The following ARMC3 variants were observed in gnomAD, a reference collection of about 807,000 sequenced individuals.
ARMC3 encodes the protein armadillo repeat containing 3, also known as armadillo repeat-containing protein 3.
A neutral mutation model predicts 90.3 loss-of-function variants in ARMC3; 74 were observed. That is an observed-to-expected ratio of 0.82 (90% CI 0.68 to 0.99). ARMC3 has a LOEUF of 0.99. ARMC3 is among the 50% of genes least tolerant of loss of function. The probability of loss-of-function intolerance (pLI) is 0.00; values close to 1 mark genes in which losing one functional copy is unlikely to be tolerated. For synonymous variants in ARMC3, 334 were observed against 361.8 expected (o/e 0.92, Z 0.87); for missense variants, 958 against 1,042.8 (o/e 0.92, Z 1.12).
At position 23,032,895 on chromosome 10, in the gene ARMC3, A is replaced by G. The variant is rs1460661878; in HGVS notation, c.2281A>G (p.Lys761Glu). The G allele has an allele frequency of 3.1e-6, 5 of 1,612,722 alleles. No individual in the cohort carries two copies. Among genetic ancestry groups the G allele is most frequent in the Non-Finnish European group, 3.4e-6 (4 of 1,179,376 alleles). ...AGAAAAAATGGGTGGTAAGATTCCA[A>G]AAGAGAAACTACCTGATTTCAGCTG... ...VAEKMGGKIPKEKLPDFSWEL... is the reference protein window; with the variant it reads ...VAEKMGGKIPEEKLPDFSWEL... Residue 761 changes from lysine (K) to glutamate (E), a missense_variant, in exon 18 of 19, where the codon AAA (lysine) becomes GAA (glutamate). Physicochemically the swap from Lys to Glu is moderately conservative, Grantham distance 56. Transcript: ENST00000298032.
At chr10:22,941,268 G>T (rs1235282772) in intron 2 of ARMC3, among the ~76,000 whole-genome samples, 1 of 152,098 alleles carries the variant, frequency 6.6e-6, no homozygotes, top group Non-Finnish European at 1.5e-5. Flanking sequence ...TGCTTGGAAT[G>T]GTTGGTTATA....
chr10:23,033,999 T>C (rs1293656138), intron 18 of ARMC3, among the ~76,000 whole-genome samples: 1 of 152,178 alleles, frequency 6.6e-6, no homozygotes, highest in Non-Finnish European at 1.5e-5. Context: ...ATGTGAACTA[T>C]AGACTAAATG....
At chr10:22,965,773 C>T (rs1835414592) in intron 7 of ARMC3, among the ~76,000 whole-genome samples, 1 of 152,132 alleles carries the variant, frequency 6.6e-6, no homozygotes, top group South Asian at 2.1e-4. Context: ...ATTTTGGCAT[C>T]TCTAATCTGC....
At chr10:22,937,032 A>G (rs1476314164) in intron 2 of ARMC3, among the ~76,000 whole-genome samples, 2 of 152,030 alleles carry the variant, frequency 1.3e-5, no homozygotes, top group Non-Finnish European at 2.9e-5. Flanking sequence ...CCTCTTGAGT[A>G]GCCGGGACTA....
intron 1 of ARMC3, among the ~76,000 whole-genome samples, chr10:22,931,384 T>A (rs1458648012): frequency 6.6e-6 from 1 of 152,244 alleles, no homozygotes; most frequent in African/African-American, 2.4e-5. Context: ...TCAGATTTTT[T>A]AATTGCTTTT....
At chr10:22,969,997 T>C (rs1244035466) in intron 8 of ARMC3, among the ~76,000 whole-genome samples, 1 of 152,100 alleles carries the variant, frequency 6.6e-6, no homozygotes, top group Admixed American at 6.6e-5. Flanking sequence ...TTAAGTGATT[T>C]TGAGTGAACT....
chr10:23,036,830 C>T (rs1312067439), intron 18 of ARMC3, among the ~76,000 whole-genome samples: 1 of 152,250 alleles, frequency 6.6e-6, no homozygotes, highest in Admixed American at 6.5e-5. Context: ...AGTTCTGCCT[C>T]TCCTGCCCCA....
At chr10:22,938,339 A>T (rs1422099664) in intron 2 of ARMC3, among the ~76,000 whole-genome samples, 2 of 152,192 alleles carry the variant, frequency 1.3e-5, no homozygotes, top group Admixed American at 6.5e-5. Context: ...ACCACGTAGG[A>T]CGTTAGGTTA....
chr10:23,002,183 T>A, intron 12 of ARMC3, 128 bp downstream of exon 12: 1 of 1,349,946 alleles, frequency 7.4e-7, no homozygotes, highest in Non-Finnish European at 9.8e-7. Flanking sequence ...GCGCTGCATG[T>A]CCCCAGGGCG....
chr10:23,001,581 C>G lies in ARMC3; in HGVS notation c.1426-338C>G, dbSNP rs867652791. Among the ~76,000 whole-genome samples the G allele has an allele frequency of 3.9e-5, 6 of 152,268 alleles. No homozygotes were observed. The South Asian group carries it at 8.3e-4, about 21-fold the overall frequency. Reference sequence around the variant, plus strand: ...GCCCCTTACTCTGTCTATCACTGAGCTGAATGAATAGTCAGTGTTCAGGAG... The same window carrying G: ...GCCCCTTACTCTGTCTATCACTGAGGTGAATGAATAGTCAGTGTTCAGGAG... On this transcript the variant is annotated intron_variant, in intron 11 of 18. Coordinates refer to ENST00000298032, the MANE Select transcript of ARMC3 (RefSeq NM_173081.5).
chr10:22,962,889 T>A (rs1302708952), intron 7 of ARMC3, among the ~76,000 whole-genome samples: 1 of 152,172 alleles, frequency 6.6e-6, no homozygotes, highest in Non-Finnish European at 1.5e-5. Flanking sequence ...TTCCCAGCCA[T>A]GTGGACCTAC....
At position 22,998,276 on chromosome 10, in the gene ARMC3, T is replaced by C; in HGVS notation, c.1304T>C (p.Ile435Thr). ...MAMQEPLRLN[I>T]QNHDIMHAII... ...ATGCAGGAGCCCCTGCGCCTGAACATACAGAATCACGACATCATGCATGCC... is the reference window on the plus strand; with the variant it reads ...ATGCAGGAGCCCCTGCGCCTGAACACACAGAATCACGACATCATGCATGCC... The change falls in exon 11 of 19, where the codon ATA becomes ACA. Residue 435 changes from isoleucine to threonine, a missense_variant. Transcript: ENST00000298032. 6.2e-7 allele frequency: 1 copy of C among 1,612,530 alleles called. No homozygotes were observed. The highest frequency in any genetic ancestry group is 1.1e-5 in the South Asian group (1 of 90,824).
chr10:23,011,130 G>T (rs1564394979), intron 16 of ARMC3, among the ~76,000 whole-genome samples: 1 of 151,696 alleles, frequency 6.6e-6, no homozygotes, highest in Non-Finnish European at 1.5e-5. Flanking sequence ...TGGACTAAAA[G>T]CTCCTCAAGA....
At chr10:23,008,472 A>G (rs1255047908) in intron 15 of ARMC3, 98 bp downstream of exon 15, 1 of 718,964 alleles carries the variant, frequency 1.4e-6, no homozygotes, top group Non-Finnish European at 2.4e-6. Context: ...CTTGATTTTT[A>G]TTCTTCTTAT....
At chr10:22,976,913 C>A (rs1297740209) in intron 8 of ARMC3, among the ~76,000 whole-genome samples, 1 of 152,212 alleles carries the variant, frequency 6.6e-6, no homozygotes, top group African/African-American at 2.4e-5. Context: ...CTGAATAACT[C>A]TTGAGCTAGA....
intron 6 of ARMC3, chr10:22,960,649 A>T (rs1700294125): frequency 6.6e-6 from 1 of 152,194 alleles, no homozygotes; most frequent in Non-Finnish European, 1.5e-5. Context: ...AATCAAAATG[A>T]TTACCTCACA....
At position 22,956,669 on chromosome 10, in the gene ARMC3, T is replaced by C. The variant is rs186512418; in HGVS notation, c.292+737T>C. 1.7e-3 allele frequency among the ~76,000 whole-genome samples: 251 copies of C among 149,384 alleles called. 1 individual carries two copies. Among genetic ancestry groups the C allele is most frequent in the African/African-American group, 5.8e-3 (236 of 41,006 alleles). Reference sequence around the variant, plus strand: ...CCTATTACTTGCTTGGAATCATATATGTCATATTATTATATTAATATATAA... The same window carrying C: ...CCTATTACTTGCTTGGAATCATATACGTCATATTATTATATTAATATATAA... On this transcript the variant is annotated intron_variant, in intron 4 of 18. Coordinates refer to ENST00000298032, the MANE Select transcript of ARMC3 (RefSeq NM_173081.5).
At position 23,021,932 on chromosome 10, in the gene ARMC3, T is replaced by C. The variant is rs76099908; in HGVS notation, c.2046-8664T>C. Among the ~76,000 whole-genome samples, 340 of 152,304 alleles carry C rather than the reference T, an allele frequency of 2.2e-3. 3 individuals carry two copies. The highest frequency in any genetic ancestry group is 7.8e-3 in the African/African-American group (323 of 41,564). On this transcript the variant is annotated intron_variant, in intron 16 of 18. Transcript: ENST00000298032. ...TCTGTACCTTGTCTTTTTATTCCCT[T>C]AGCAGTATCTTTCTCAGAGCAAAAG...
At chr10:23,012,369 ATACCGT>A in intron 16 of ARMC3, among the ~76,000 whole-genome samples, 1 of 151,992 alleles carries the variant, frequency 6.6e-6, no homozygotes, top group South Asian at 2.1e-4. Flanking sequence ...ATCCTTTGCA[ATACCGT>A]AAATATCAAT....
Sources: allele counts gnomAD v4.1 joint callset (sites outside exome capture counted in the v4.1 genomes callset), GRCh38; gene constraint gnomAD v4.1.1; transcripts MANE v1.5; gene names NCBI Gene and HGNC (gene_info 2026-07-23, HGNC 2026-07-21).